The following FGFRL1 variants were observed in gnomAD, a reference collection of about 807,000 sequenced individuals.
FGFRL1 encodes fibroblast growth factor receptor like 1, also known as fibroblast growth factor receptor-like 1.
A neutral mutation model predicts 36.8 loss-of-function variants in FGFRL1; 24 were observed. The ratio of observed to expected loss-of-function variants is 0.65; its 90% CI spans 0.47 to 0.92. FGFRL1 has a LOEUF of 0.92. Among genes scored for constraint, FGFRL1 ranks in the 40% least tolerant of loss-of-function variants. The pLI, the probability that FGFRL1 is intolerant of heterozygous loss-of-function variation, is 0.00. For synonymous variants in FGFRL1, 422 were observed against 344.1 expected, an observed-to-expected ratio of 1.23 and a Z score of -2.50; for missense variants, 785 against 753.4, an observed-to-expected ratio of 1.04 and a Z score of -0.49.
chr4:1,010,865 T>C (rs1162136881), upstream of FGFRL1: 2 of 152,132 alleles, frequency 1.3e-5, no homozygotes, highest in Admixed American at 6.5e-5. Flanking sequence ...GTAGCGGAGA[T>C]TGAATCGCAT....
intron 2 of FGFRL1, among the ~76,000 whole-genome samples, chr4:1,020,054 T>C (rs1716089640): frequency 6.6e-6 from 1 of 152,238 alleles, no homozygotes; most frequent in South Asian, 2.1e-4. Context: ...AGAGAGGTGA[T>C]AGGGATTCTC....
At position 1,025,020 on chromosome 4, in the gene FGFRL1, G is replaced by A. The variant is rs1361038978; in HGVS notation, c.1188G>A (p.Leu396=). 1 of 1,611,158 alleles carries A rather than the reference G, an allele frequency of 6.2e-7. No homozygotes were observed. The highest frequency in any genetic ancestry group is 1.1e-5 in the South Asian group (1 of 91,064). ...TCTTCATCCTGGGCACCCTGCTCCT[G>A]TGGCTTTGCCAGGCCCAGAAGAAGC... is the stretch of plus-strand genomic sequence containing the variant. ...GAVFILGTLL[L]WLCQAQKKPC... is the part of the protein sequence containing the mutation. Residue 396 remains leucine, a synonymous_variant, in exon 7 of 7, where the codon CTG becomes CTA. Transcript: ENST00000510644.
Position 1,025,278 on chromosome 4 carries a change from A to T in FGFRL1, c.1446A>T (p.Thr482=). 6.3e-7 allele frequency: 1 copy of T among 1,590,444 alleles called. No homozygotes were observed. Among genetic ancestry groups the T allele is most frequent in the African/African-American group, 1.3e-5 (1 of 74,498 alleles). ...PKLYTDIHTH[T]HTHSHTHSHV... ...TCTACACAGACATCCACACACACAC[A>T]CACACACACTCTCACACACACTCAC... The change falls in exon 7 of 7, where the codon ACA becomes ACT. Residue 482 remains threonine (T), a synonymous_variant. Transcript: ENST00000510644.
rs774561854 is a variant in FGFRL1 at position 1,025,209 on chromosome 4, A to G, written c.1377A>G (p.Leu459=). The change falls in exon 7 of 7, where the codon TTA becomes TTG. Residue 459 remains leucine, a synonymous_variant. Coordinates refer to ENST00000510644, the MANE Select transcript of FGFRL1 (RefSeq NM_001004356.3). ...GGTCTCCGGCAGCCCCCCAGCACTT[A>G]CTGGGCCCAGGCCCAGTTGCTGGCC... The part of the protein sequence containing the change: ...EHGSPAAPQH[L]LGPGPVAGPK... 6 of 1,610,304 alleles carry G rather than the reference A, an allele frequency of 3.7e-6. No homozygotes were observed. Among genetic ancestry groups the G allele is most frequent in the Non-Finnish European group, 2.5e-6 (3 of 1,178,982 alleles).
rs778473149 is a variant in FGFRL1 at position 1,023,739 on chromosome 4, G to A, written c.433+18G>A. On this transcript the variant is annotated intron_variant, in intron 4 of 6. Coordinates refer to ENST00000510644, the MANE Select transcript of FGFRL1 (RefSeq NM_001004356.3). The surrounding 1 kb of genome is among the most constrained non-coding windows in gnomAD (Gnocchi z 6.0). ...GCAGTGGGGTGAGCAGGGGGTGACG[G>A]GGGTGGGGGGCGTCCGTCTGTCCCG... The A allele has an allele frequency of 6.4e-7, 1 of 1,553,502 alleles. No homozygotes were observed. Among genetic ancestry groups the A allele is most frequent in the South Asian group, 1.2e-5 (1 of 83,302 alleles).
At position 1,017,960 on chromosome 4, in the gene FGFRL1, G is replaced by A. The variant is rs1038393350; in HGVS notation, c.80-4243G>A. On this transcript the variant is annotated intron_variant, in intron 2 of 6. Coordinates refer to ENST00000510644, the MANE Select transcript of FGFRL1 (RefSeq NM_001004356.3). Reference sequence around the variant, plus strand: ...CCAGGCCTCGGGACACCACGAGCACGGGAGAGGGGCTTGGGTGTGGGTTTG... The same window carrying A: ...CCAGGCCTCGGGACACCACGAGCACAGGAGAGGGGCTTGGGTGTGGGTTTG... Among the ~76,000 whole-genome samples, 7 of 152,350 alleles carry A rather than the reference G, an allele frequency of 4.6e-5. 1 individual carries two copies. The highest frequency in any genetic ancestry group is 1.9e-4 in the East Asian group (1 of 5,188).
Position 1,024,909 on chromosome 4 carries a change from A to C in FGFRL1, c.1077A>C (p.Pro359=). 6.3e-7 allele frequency: 1 copy of C among 1,589,024 alleles called. No individual in the cohort carries two copies. ...RSAFLTVLPD[P]KPPGPPVASS... ...CCTTTCCTCTCGCTCTTGCAGACCCAAAACCGCCAGGGCCACCTGTGGCCT... is the reference window on the plus strand; with the variant it reads ...CCTTTCCTCTCGCTCTTGCAGACCCCAAACCGCCAGGGCCACCTGTGGCCT... The change falls in exon 7 of 7, where the codon CCA becomes CCC. Residue 359 remains proline (P), a synonymous_variant. Transcript: ENST00000510644.
At chr4:1,013,012 T>G (rs923118127) in intron 2 of FGFRL1, among the ~76,000 whole-genome samples, 4 of 152,116 alleles carry the variant, frequency 2.6e-5, no homozygotes, top group South Asian at 2.1e-4. Context: ...ATACTTGGTG[T>G]CTGGGACTGA....
At chr4:1,016,488 C>T (rs927688579) in intron 2 of FGFRL1, among the ~76,000 whole-genome samples, 1 of 152,122 alleles carries the variant, frequency 6.6e-6, no homozygotes, top group African/African-American at 2.4e-5. Context: ...CTCTGGTGCC[C>T]GCTGTGTGCC....
chr4:1,016,931 G>T (rs1715915202), intron 2 of FGFRL1, among the ~76,000 whole-genome samples: 1 of 152,156 alleles, frequency 6.6e-6, no homozygotes, highest in Admixed American at 6.5e-5. Context: ...TGCCCTGGGT[G>T]CCCCTGGGGG....
Position 1,024,950 on chromosome 4 carries a change from C to G in FGFRL1, c.1118C>G (p.Thr373Ser). ...CCTGTGGCCTCCTCGTCCTCGGCCACTAGCCTGCCGTGGCCCGTGGTCATC... is the reference window on the plus strand; with the variant it reads ...CCTGTGGCCTCCTCGTCCTCGGCCAGTAGCCTGCCGTGGCCCGTGGTCATC... ...GPPVASSSSA[T>S]SLPWPVVIGI... is the part of the protein sequence containing the mutation. The change falls in exon 7 of 7, where the codon ACT becomes AGT. Residue 373 changes from threonine to serine, a missense_variant. Thr to Ser is a moderately conservative substitution (Grantham distance 58). Coordinates refer to ENST00000510644, the MANE Select transcript of FGFRL1 (RefSeq NM_001004356.3). The G allele has an allele frequency of 6.2e-7, 1 of 1,606,016 alleles. No homozygotes were observed. The highest frequency in any genetic ancestry group is 8.5e-7 in the Non-Finnish European group (1 of 1,178,198).
rs1312322699 is a variant in FGFRL1, at chr4:1,011,749, G to C, written c.-222G>C. On this transcript the variant is annotated 5_prime_UTR_variant, in exon 1 of 7. Coordinates refer to ENST00000510644, the MANE Select transcript of FGFRL1 (RefSeq NM_001004356.3). ...GCGGACTCGCCCCCGCCGCCTGCCCGGTCCGGGACCCCGCGCCCCGAGCGC... is the reference window on the plus strand; with the variant it reads ...GCGGACTCGCCCCCGCCGCCTGCCCCGTCCGGGACCCCGCGCCCCGAGCGC... The C allele has an allele frequency of 2.2e-5, 3 of 137,010 alleles. No individual in the cohort carries two copies. Among genetic ancestry groups the C allele is most frequent in the South Asian group, 4.3e-4 (2 of 4,652 alleles). The allele number at this position is 137,010 out of a possible 1,614,324, so 8.5% of individuals were successfully genotyped here.
At position 1,012,454 on chromosome 4, in the gene FGFRL1, C is replaced by G; in HGVS notation, c.-16-16C>G. 6.3e-7 allele frequency: 1 copy of G among 1,575,302 alleles called. No homozygotes were observed. Among genetic ancestry groups the G allele is most frequent in the Non-Finnish European group, 8.6e-7 (1 of 1,165,064 alleles). ...CCAGTTCCACGTGTTAGTGACGGCG[C>G]CCCCAATGTCCCCAGGTCCGGACAG... On this transcript the variant is annotated splice_polypyrimidine_tract_variant and intron_variant, in intron 1 of 6. Transcript: ENST00000510644.
chr4:1,024,591 G>T lies in FGFRL1; in HGVS notation c.999G>T (p.Ala333=). 2 of 1,612,280 alleles carry T rather than the reference G, an allele frequency of 1.2e-6. No individual in the cohort carries two copies. Among genetic ancestry groups the T allele is most frequent in the Non-Finnish European group, 1.7e-6 (2 of 1,179,800 alleles). Residue 333 remains alanine, a synonymous_variant, in exon 6 of 7, where the codon GCG becomes GCT. Transcript: ENST00000510644. ...TCACCCGTGCCCGCCAGGACGATGCGGGCATGTACATCTGCCTTGGCGCCA... is the reference window on the plus strand; with the variant it reads ...TCACCCGTGCCCGCCAGGACGATGCTGGCATGTACATCTGCCTTGGCGCCA... ...LLITRARQDD[A]GMYICLGANT... is the part of the protein sequence containing the mutation.
chr4:1,020,641 TG>T (rs1716122232), intron 2 of FGFRL1, among the ~76,000 whole-genome samples: 2 of 36,424 alleles, frequency 5.5e-5, no homozygotes, highest in Admixed American at 2.8e-4. Flanking sequence ...AGGCAGGGGA[TG>T]GGGTGGGGAC....
chr4:1,022,404 C>G lies in FGFRL1; in HGVS notation c.281C>G (p.Ala94Gly). Residue 94 changes from alanine (A) to glycine (G), a missense_variant, in exon 3 of 7, where the codon GCC (alanine) becomes GGC (glycine). By Grantham distance (60) the Ala-to-Gly change is moderately conservative. Transcript: ENST00000510644. ...GTGAAGCAGGTGGAGCGGGAGGATGCCGGCGTGTACGTGTGCAAGGCCACC... is the reference window on the plus strand; with the variant it reads ...GTGAAGCAGGTGGAGCGGGAGGATGGCGGCGTGTACGTGTGCAAGGCCACC... ...LKVKQVERED[A>G]GVYVCKATNG... 6.2e-7 allele frequency: 1 copy of G among 1,611,500 alleles called. No individual in the cohort carries two copies. The highest frequency in any genetic ancestry group is 8.5e-7 in the Non-Finnish European group (1 of 1,179,568).
In FGFRL1 at chr4:1,025,394, A is replaced by G; in HGVS notation, c.*47A>G. The G allele has an allele frequency of 6.6e-7, 1 of 1,506,094 alleles. No individual in the cohort carries two copies. Among genetic ancestry groups the G allele is most frequent in the South Asian group, 1.3e-5 (1 of 76,884 alleles). 93.3% of individuals were successfully genotyped at this position (1,506,094 alleles called of 1,614,324 possible). ...GCACGGGGGGGCCGGCCAGACAGGC[A>G]GACTGGGAGGATGGAGGACGGAGCT... is the stretch of plus-strand genomic sequence containing the variant. On this transcript the variant is annotated 3_prime_UTR_variant, in exon 7 of 7. Transcript: ENST00000510644.
intron 2 of FGFRL1, among the ~76,000 whole-genome samples, chr4:1,014,589 G>T (rs895435774): frequency 2.1e-4 from 32 of 151,872 alleles, no homozygotes; most frequent in African/African-American, 7.5e-4. Context: ...GGGGTAGCGG[G>T]GTCAGTGTCG....
Position 1,026,660 on chromosome 4 carries a change from G to A in FGFRL1, c.*1313G>A, listed in dbSNP as rs976871469. 17 of 303,584 alleles carry A rather than the reference G, an allele frequency of 5.6e-5. No homozygotes were observed. Among genetic ancestry groups the A allele is most frequent in the Middle Eastern group, 1.0e-3 (1 of 968 alleles). The allele number at this position is 303,584 out of a possible 1,614,324, so 18.8% of individuals were successfully genotyped here. ...TTGGTATTTATATTTAAGAAATGAA[G>A]ATAATATTAATAATGATGGAAGGAA... On this transcript the variant is annotated 3_prime_UTR_variant, in exon 7 of 7. Transcript: ENST00000510644.
Sources: gnomAD v4.1 joint callset for allele counts (sites outside exome capture counted in the v4.1 genomes callset) on GRCh38, gnomAD v4.1.1 for gene constraint, Gnocchi (gnomAD v3.1) non-coding constraint, MANE v1.5 for transcripts, NCBI Gene and HGNC (gene_info 2026-07-23, HGNC 2026-07-21) for gene names.